EYS: variants seen among roughly 807,000 people sequenced by gnomAD.
EYS encodes EGF-like photoreceptor maintenance factor.
A neutral mutation model predicts 282.1 loss-of-function variants in EYS; 250 were observed. That is an observed-to-expected ratio of 0.89 (90% CI 0.80 to 0.98). The LOEUF (loss-of-function observed/expected upper bound fraction) is 0.98, where lower values mean the gene tolerates loss of function less well. EYS is among the 50% of genes least tolerant of loss of function. The probability of loss-of-function intolerance (pLI) is 0.00; values close to 1 mark genes in which losing one functional copy is unlikely to be tolerated. For missense variants in EYS, 4,016 were observed against 3,709.0 expected (o/e 1.08, Z -2.15); for synonymous variants, 1,355 against 1,282.9 (o/e 1.06, Z -1.20).
At chr6:64,525,603 T>C (rs1163370822) in intron 26 of EYS, among the ~76,000 whole-genome samples, 1 of 151,614 alleles carries the variant, frequency 6.6e-6, no homozygotes, top group Non-Finnish European at 1.5e-5. Context: ...TGAAATAATC[T>C]GCATAGCAAT....
chr6:64,523,768 T>C (rs1406628229), intron 26 of EYS, among the ~76,000 whole-genome samples: 2 of 151,690 alleles, frequency 1.3e-5, no homozygotes, highest in Non-Finnish European at 3.0e-5. Context: ...AAAATTCAGA[T>C]TTAGAATGGT....
chr6:64,457,971 C>A (rs893029370), intron 26 of EYS, among the ~76,000 whole-genome samples: 1 of 151,516 alleles, frequency 6.6e-6, no homozygotes, highest in Non-Finnish European at 1.5e-5. Flanking sequence ...TTTGTGGTTA[C>A]CATGGGGCTT....
At chr6:63,969,365 C>T (rs1000724748) in intron 35 of EYS, among the ~76,000 whole-genome samples, 1 of 152,110 alleles carries the variant, frequency 6.6e-6, no homozygotes, top group African/African-American at 2.4e-5. Context: ...GTATTCCTAA[C>T]CCGGCTTTTA....
chr6:64,584,650 AT>A (rs1235055685), intron 26 of EYS, among the ~76,000 whole-genome samples: 1 of 151,906 alleles, frequency 6.6e-6, no homozygotes, highest in Non-Finnish European at 1.5e-5. Context: ...GCTCTTAATA[AT>A]TTTTGAATAT....
chr6:65,180,010 T>C (rs1372364339), intron 12 of EYS, among the ~76,000 whole-genome samples: 1 of 152,098 alleles, frequency 6.6e-6, no homozygotes, highest in Non-Finnish European at 1.5e-5. Flanking sequence ...TCAACAACCT[T>C]CATGCTAAAA....
chr6:65,300,466 A>C (rs1275282196), intron 11 of EYS, among the ~76,000 whole-genome samples: 4 of 151,970 alleles, frequency 2.6e-5, no homozygotes, highest in Non-Finnish European at 5.9e-5. Flanking sequence ...AGTAGTCTTA[A>C]GTTTTGGAGT....
At chr6:64,739,546 C>T (rs1377488539) in intron 22 of EYS, among the ~76,000 whole-genome samples, 1 of 152,164 alleles carries the variant, frequency 6.6e-6, no homozygotes, top group Non-Finnish European at 1.5e-5. Flanking sequence ...TCGTATCAGA[C>T]AGATTGCATG....
At chr6:65,031,929 A>T (rs1312735003) in intron 13 of EYS, among the ~76,000 whole-genome samples, 1 of 152,038 alleles carries the variant, frequency 6.6e-6, no homozygotes, top group Non-Finnish European at 1.5e-5. Context: ...GATAAACAAA[A>T]CCCAAAATTG....
chr6:64,062,777 G>T (rs1771222709), intron 33 of EYS, among the ~76,000 whole-genome samples: 2 of 151,308 alleles, frequency 1.3e-5, no homozygotes, highest in African/African-American at 4.9e-5. Context: ...TACTCAACTG[G>T]TAATTCCAAT....
rs541208102 is a variant in EYS at position 63,800,978 on chromosome 6, C to T, written c.7411+5212G>A. ...ACAGTCACATGACACAGGATGTACA[C>T]ATGTGCTAATATTGCCAAGTATGGG... On this transcript the variant is annotated intron_variant, in intron 37 of 42. Transcript: ENST00000503581. 3.9e-5 allele frequency among the ~76,000 whole-genome samples: 6 copies of T among 152,296 alleles called. No individual in the cohort carries two copies. The East Asian group carries it at 7.7e-4, about 20-fold the overall frequency.
At chr6:65,246,428 T>C (rs1266232973) in intron 12 of EYS, among the ~76,000 whole-genome samples, 3 of 152,138 alleles carry the variant, frequency 2.0e-5, no homozygotes, top group Non-Finnish European at 2.9e-5. Flanking sequence ...TAATTATTCA[T>C]GTCTTATGGT....
intron 19 of EYS, among the ~76,000 whole-genome samples, chr6:64,863,627 A>G (rs1766319699): frequency 6.6e-6 from 1 of 152,170 alleles, no homozygotes. Flanking sequence ...GTGCACTTAG[A>G]ATAGCTCTCA....
intron 31 of EYS, among the ~76,000 whole-genome samples, chr6:64,221,414 T>G (rs4235968): frequency 6.6e-6 from 1 of 151,862 alleles, no homozygotes; most frequent in Admixed American, 6.6e-5. Flanking sequence ...CTTTTGTCTA[T>G]TATCATGGGA....
chr6:64,672,530 T>C (rs1173029588), intron 22 of EYS, among the ~76,000 whole-genome samples: 12 of 152,208 alleles, frequency 7.9e-5, no homozygotes, highest in Non-Finnish European at 1.5e-5. Flanking sequence ...CATTCACTTT[T>C]TATTACTCTC....
At chr6:64,906,877 A>G (rs1005571080) in intron 16 of EYS, among the ~76,000 whole-genome samples, 18 of 152,206 alleles carry the variant, frequency 1.2e-4, no homozygotes, top group African/African-American at 4.1e-4. Context: ...AGAACCATTC[A>G]TAAAAAGAAC....
At chr6:64,763,889 A>G (rs566509101) in intron 22 of EYS, among the ~76,000 whole-genome samples, 1 of 152,312 alleles carries the variant, frequency 6.6e-6, no homozygotes, top group South Asian at 2.1e-4. Flanking sequence ...GTCATTAAAT[A>G]TTAAAGGACC....
At position 65,250,423 on chromosome 6, in the gene EYS, G is replaced by A. The variant is rs190027516; in HGVS notation, c.2023+45440C>T. The stretch of plus-strand genomic sequence containing the variant: ...TCAGTTGGTATTCTCCTATATTTAT[G>A]AGGCAGCTCCTGTAAAACAAACCAC... On this transcript the variant is annotated intron_variant, in intron 12 of 42. Transcript: ENST00000503581. Among the ~76,000 whole-genome samples, 4 of 152,032 alleles carry A rather than the reference G, an allele frequency of 2.6e-5. No individual in the cohort carries two copies. The East Asian group carries it at 5.8e-4, about 22-fold the overall frequency.
intron 2 of EYS, among the ~76,000 whole-genome samples, chr6:65,638,656 C>T (rs1767173359): frequency 6.6e-6 from 1 of 152,226 alleles, no homozygotes; most frequent in South Asian, 2.1e-4. Flanking sequence ...GTGCCGGTGC[C>T]TGGAGCTGCC....
chr6:64,171,294 A>G (rs9362520), intron 31 of EYS, among the ~76,000 whole-genome samples: 50,664 of 152,036 alleles, frequency 0.33, 8,512 homozygotes, highest in East Asian at 0.55. Flanking sequence ...TAAAGACAGT[A>G]TAATCTTATA....
Sources: allele counts gnomAD v4.1 joint callset (sites outside exome capture counted in the v4.1 genomes callset), GRCh38; gene constraint gnomAD v4.1.1; transcripts MANE v1.5; gene names NCBI Gene and HGNC (gene_info 2026-07-23, HGNC 2026-07-21).